Variants in CAPN5 observed in about 807,000 individuals in gnomAD.
CAPN5 encodes the protein calpain 5.
Under a neutral mutation model 73.0 loss-of-function variants are expected in CAPN5, and 54 were observed. The observed-to-expected ratio is 0.74, with a 90% confidence interval of 0.59 to 0.93. The LOEUF (loss-of-function observed/expected upper bound fraction) is 0.93, where lower values mean the gene tolerates loss of function less well. Among genes scored for constraint, CAPN5 ranks in the 40% least tolerant of loss-of-function variants. CAPN5 has a pLI of 0.00. For missense variants in CAPN5, 785 were observed against 882.9 expected, an observed-to-expected ratio of 0.89 and a Z score of 1.41; for synonymous variants, 335 against 356.9, an observed-to-expected ratio of 0.94 and a Z score of 0.69.
At chr11:77,087,851 C>A in intron 2 of CAPN5, 1 of 1,511,806 alleles carries the variant, frequency 6.6e-7, no homozygotes, top group Non-Finnish European at 8.9e-7. Flanking sequence ...GCAGGTGGGA[C>A]CAGGCCTTGT....
intron 1 of CAPN5, among the ~76,000 whole-genome samples, chr11:77,076,820 T>G (rs1171053727): frequency 6.6e-6 from 1 of 152,246 alleles, no homozygotes; most frequent in African/African-American, 2.4e-5. Context: ...AGTGCTGCAG[T>G]GAACATGGGA....
At chr11:77,121,901 A>C in intron 10 of CAPN5, 33 bp from the exon 11 acceptor site, 1 of 1,284,508 alleles carries the variant, frequency 7.8e-7, no homozygotes, top group Non-Finnish European at 1.1e-6. Flanking sequence ...GCCCTTCTCC[A>C]TCACTCCCCT....
chr11:77,091,899 T>C (rs1222906604), intron 2 of CAPN5, among the ~76,000 whole-genome samples: 1 of 152,200 alleles, frequency 6.6e-6, no homozygotes, highest in Non-Finnish European at 1.5e-5. Flanking sequence ...GCTTGATACT[T>C]TACATACACT....
At position 77,115,542 on chromosome 11, in the gene CAPN5, C is replaced by T. The variant is rs372682170; in HGVS notation, c.847C>T (p.Arg283Cys). Residue 283 changes from arginine to cysteine, a missense_variant, in exon 6 of 13, where the codon CGC becomes TGC. By Grantham distance (180) the Arg-to-Cys change is radical. Transcript: ENST00000648180. ...AGAGAAGTTGGACATGATCCGCCTGCGCAACCCCTGGGGCGAGCGGGAGTG... is the reference window on the plus strand; with the variant it reads ...AGAGAAGTTGGACATGATCCGCCTGTGCAACCCCTGGGGCGAGCGGGAGTG... ...KSEKLDMIRL[R>C]NPWGEREWNG... is the part of the protein sequence containing the mutation. 2.0e-5 allele frequency: 32 copies of T among 1,612,864 alleles called. No homozygotes were observed. Among genetic ancestry groups the T allele is most frequent in the African/African-American group, 2.7e-5 (2 of 74,922 alleles).
chr11:77,119,277 C>A, intron 9 of CAPN5, 125 bp downstream of exon 9: 1 of 1,108,184 alleles, frequency 9.0e-7, no homozygotes, highest in Non-Finnish European at 1.3e-6. Context: ...GCTGCCGTGG[C>A]AGACATTGTG....
intron 2 of CAPN5, among the ~76,000 whole-genome samples, chr11:77,086,183 G>A (rs555231606): frequency 5.9e-5 from 9 of 152,324 alleles, no homozygotes; most frequent in African/African-American, 1.9e-4. Context: ...GCTTTCAGCA[G>A]CCTGTAACAG....
rs1950487992 is a variant in CAPN5 at position 77,118,258 on chromosome 11, G to GGCTGCATGGCGCCTGGAC, written c.1082_1099dup (p.Gly361_His366dup). On this transcript the variant is annotated inframe_insertion, in exon 8 of 13. Coordinates refer to ENST00000648180, the MANE Select transcript of CAPN5 (RefSeq NM_004055.5). Reference sequence around the variant, plus strand: ...ATCCACAAGACGTGGGAGGAGGCCCGGCTGCATGGCGCCTGGACGCTGCAT... The same window carrying GGCTGCATGGCGCCTGGAC: ...ATCCACAAGACGTGGGAGGAGGCCCGGCTGCATGGCGCCTGGACGCTGCATGGCGCCTGGACGCTGCAT... The GGCTGCATGGCGCCTGGAC allele has an allele frequency of 6.2e-7, 1 of 1,613,970 alleles. No individual in the cohort carries two copies. The highest frequency in any genetic ancestry group is 1.3e-5 in the African/African-American group (1 of 74,938).
intron 3 of CAPN5, among the ~76,000 whole-genome samples, chr11:77,098,260 G>A (rs1302643992): frequency 3.4e-5 from 3 of 87,158 alleles, no homozygotes; most frequent in East Asian, 4.4e-4. Flanking sequence ...CGGACGGGGC[G>A]TCTGGCCGGG....
chr11:77,071,649 CCTCG>C, intron 1 of CAPN5: 1 of 454,098 alleles, frequency 2.2e-6, no homozygotes, highest in Non-Finnish European at 4.4e-6. Flanking sequence ...CTGCTTTGCA[CCTCG>C]CTGGCCTCAG....
intron 2 of CAPN5, chr11:77,087,968 C>T (rs1950107301): frequency 6.5e-7 from 1 of 1,535,774 alleles, no homozygotes; most frequent in Non-Finnish European, 8.7e-7. Context: ...TGGCCCCTCA[C>T]AGGCCTGGCT....
intron 10 of CAPN5, among the ~76,000 whole-genome samples, chr11:77,121,439 C>T (rs894831635): frequency 6.6e-6 from 1 of 152,256 alleles, no homozygotes. Flanking sequence ...AGCCCAGGCT[C>T]GGTGTCCCCT....
At chr11:77,111,372 C>T (rs1950408784) in intron 3 of CAPN5, among the ~76,000 whole-genome samples, 1 of 152,128 alleles carries the variant, frequency 6.6e-6, no homozygotes, top group Admixed American at 6.6e-5. Context: ...GGTCTGCCTC[C>T]AAAGCATGTG....
At chr11:77,111,004 G>A (rs1384519414) in intron 3 of CAPN5, among the ~76,000 whole-genome samples, 2 of 152,028 alleles carry the variant, frequency 1.3e-5, no homozygotes, top group African/African-American at 4.8e-5. Flanking sequence ...GCCCAGCAGG[G>A]CCAGGGGTCA....
At chr11:77,072,795 C>T (rs1364135025) in intron 1 of CAPN5, among the ~76,000 whole-genome samples, 1 of 152,198 alleles carries the variant, frequency 6.6e-6, no homozygotes, top group Non-Finnish European at 1.5e-5. Context: ...GAGTCTAGGA[C>T]TGCCTGTACA....
chr11:77,097,179 G>A (rs1177193364), intron 3 of CAPN5, among the ~76,000 whole-genome samples: 1 of 152,042 alleles, frequency 6.6e-6, no homozygotes, highest in Non-Finnish European at 1.5e-5. Context: ...CCAAGATCAT[G>A]CCACTGCACT....
Position 77,123,029 on chromosome 11 carries a change from G to A in CAPN5, c.1740+317G>A, listed in dbSNP as rs542261374. Among the ~76,000 whole-genome samples the A allele has an allele frequency of 5.9e-5, 9 of 152,342 alleles. No homozygotes were observed. The East Asian group carries it at 1.7e-3, about 29-fold the overall frequency. On this transcript the variant is annotated intron_variant, in intron 12 of 12. Transcript: ENST00000648180. Reference sequence around the variant, plus strand: ...TATCCCTCCCATTTCCCCGTGGGGGGCCCACCTGGAAAGTGGCGTTGAGCC... The same window carrying A: ...TATCCCTCCCATTTCCCCGTGGGGGACCCACCTGGAAAGTGGCGTTGAGCC...
chr11:77,088,406 GC>G (rs782161057), intron 2 of CAPN5, among the ~76,000 whole-genome samples: 37 of 152,200 alleles, frequency 2.4e-4, no homozygotes, highest in Non-Finnish European at 4.1e-4. Context: ...CAGCCGAACT[GC>G]CCAGGAATGA....
chr11:77,080,343 T>C (rs1461297457), intron 1 of CAPN5, among the ~76,000 whole-genome samples: 3 of 152,200 alleles, frequency 2.0e-5, no homozygotes, highest in African/African-American at 4.8e-5. Flanking sequence ...TTTGAGGCCC[T>C]CTTGCTGCTG....
Position 77,116,244 on chromosome 11 carries a change from A to G in CAPN5, c.912A>G (p.Lys304=). The change falls in exon 7 of 13, where the codon AAA becomes AAG. Residue 304 remains lysine, a synonymous_variant. Transcript: ENST00000648180. The part of the protein sequence containing the change: ...PWSDTSEEWQ[K]VSKSEREKMG... ...ACCCCAGCTCGGAGGAGTGGCAGAA[A>G]GTGAGCAAGAGTGAGCGGGAGAAGA... 6.2e-7 allele frequency: 1 copy of G among 1,613,278 alleles called. No individual in the cohort carries two copies. Among genetic ancestry groups the G allele is most frequent in the South Asian group, 1.1e-5 (1 of 90,726 alleles).
Sources: allele counts gnomAD v4.1 joint callset (sites outside exome capture counted in the v4.1 genomes callset), GRCh38; gene constraint gnomAD v4.1.1; transcripts MANE v1.5; gene names NCBI Gene and HGNC (gene_info 2026-07-23, HGNC 2026-07-21).